Variants in CNTNAP2 observed in about 807,000 individuals in gnomAD.
CNTNAP2 encodes the protein contactin-associated protein-like 2.
In CNTNAP2, 98 loss-of-function variants were observed where a neutral mutation model predicts 155.2. The observed-to-expected ratio is 0.63, with a 90% CI of 0.54 to 0.75. CNTNAP2 has a LOEUF of 0.75. Ranked by LOEUF, CNTNAP2 falls within the 30% of genes least tolerant of loss-of-function variation. The pLI, the probability that CNTNAP2 is intolerant of heterozygous loss-of-function variation, is 0.00. For synonymous variants in CNTNAP2, 651 were observed against 631.2 expected (o/e 1.03, Z -0.47); for missense variants, 1,727 against 1,688.1 (o/e 1.02, Z -0.40).
rs544374633 is a variant in CNTNAP2 at position 146,941,637 on chromosome 7, C to G, written c.402+101733C>G. Among the ~76,000 whole-genome samples the G allele has an allele frequency of 2.6e-5, 4 of 152,250 alleles. No homozygotes were observed. In the South Asian group the frequency reaches 6.2e-4, roughly 24 times the overall value. The stretch of plus-strand genomic sequence containing the variant: ...TAATCTTAGTGTCCTGTTCTTTCAA[C>G]TCATAGAACCCTCTTTATCATTTCT... On this transcript the variant is annotated intron_variant, in intron 3 of 23. Coordinates refer to ENST00000361727, the MANE Select transcript of CNTNAP2 (RefSeq NM_014141.6).
intron 1 of CNTNAP2, among the ~76,000 whole-genome samples, chr7:146,410,489 T>C (rs1795850311): frequency 6.6e-6 from 1 of 152,164 alleles, no homozygotes; most frequent in South Asian, 2.1e-4. Flanking sequence ...ACTTTATCTA[T>C]AGATATCATT....
At chr7:146,926,257 G>A (rs1796607063) in intron 3 of CNTNAP2, among the ~76,000 whole-genome samples, 1 of 152,076 alleles carries the variant, frequency 6.6e-6, no homozygotes, top group Admixed American at 6.6e-5. Context: ...ACATTTGTGT[G>A]TGTGTGTGTG....
intron 13 of CNTNAP2, among the ~76,000 whole-genome samples, chr7:147,793,467 C>T (rs1048207521): frequency 2.9e-4 from 44 of 152,038 alleles, no homozygotes; most frequent in African/African-American, 1.0e-3. Flanking sequence ...AATTGTTTGG[C>T]ACTCTGGCTG....
intron 1 of CNTNAP2, among the ~76,000 whole-genome samples, chr7:146,251,126 G>T (rs2116943350): frequency 6.6e-6 from 1 of 152,080 alleles, no homozygotes; most frequent in South Asian, 2.1e-4. Context: ...AGATTACACA[G>T]AATAAAAACA....
intron 11 of CNTNAP2, among the ~76,000 whole-genome samples, chr7:147,552,552 A>G (rs1261425436): frequency 6.7e-6 from 1 of 149,328 alleles, no homozygotes; most frequent in African/African-American, 2.5e-5. Flanking sequence ...GAATTTCTTT[A>G]CTCCATTTTA....
rs560992777 is a variant in CNTNAP2, at chr7:147,894,816, T to G, written c.2099-8749T>G. Among the ~76,000 whole-genome samples, 3 of 152,176 alleles carry G rather than the reference T, an allele frequency of 2.0e-5. No individual in the cohort carries two copies. The South Asian group carries it at 6.2e-4, about 32-fold the overall frequency. Reference sequence around the variant, plus strand: ...TAGCCCAGAAGTTCCGAAGAACACATTTTGAAAATCACAGGTATGCACCTC... The same window carrying G: ...TAGCCCAGAAGTTCCGAAGAACACAGTTTGAAAATCACAGGTATGCACCTC... On this transcript the variant is annotated intron_variant, in intron 13 of 23. Transcript: ENST00000361727.
chr7:147,554,662 T>C (rs1799916958), intron 11 of CNTNAP2, among the ~76,000 whole-genome samples: 1 of 152,174 alleles, frequency 6.6e-6, no homozygotes, highest in Non-Finnish European at 1.5e-5. Flanking sequence ...ATTAGGGGGC[T>C]ATAATGAATA....
At chr7:146,315,963 T>C (rs1209013237) in intron 1 of CNTNAP2, among the ~76,000 whole-genome samples, 1 of 152,200 alleles carries the variant, frequency 6.6e-6, no homozygotes, top group South Asian at 2.1e-4. Context: ...AAAAAGTCTC[T>C]AAATTAAGAC....
chr7:148,049,745 A>T (rs1055632569), intron 15 of CNTNAP2, among the ~76,000 whole-genome samples: 2 of 152,242 alleles, frequency 1.3e-5, no homozygotes, highest in African/African-American at 4.8e-5. Context: ...TGTAGCTTAT[A>T]CAATTATGTA....
intron 15 of CNTNAP2, among the ~76,000 whole-genome samples, chr7:148,115,732 T>C (rs1449979436): frequency 6.6e-6 from 1 of 152,168 alleles, no homozygotes; most frequent in Non-Finnish European, 1.5e-5. Context: ...CGCCTTTCTG[T>C]TCCTGTTACC....
chr7:146,345,268 T>A (rs895721302), intron 1 of CNTNAP2, among the ~76,000 whole-genome samples: 9 of 152,224 alleles, frequency 5.9e-5, no homozygotes, highest in African/African-American at 2.2e-4. Context: ...TCATATGTTC[T>A]AATCACTTTG....
chr7:147,230,942 G>T (rs865818337), intron 8 of CNTNAP2, among the ~76,000 whole-genome samples: 16 of 152,220 alleles, frequency 1.1e-4, no homozygotes, highest in African/African-American at 3.9e-4. Context: ...AAAGGGAAGA[G>T]CTTTAATTGG....
At chr7:148,109,012 G>A (rs1804284653) in intron 15 of CNTNAP2, among the ~76,000 whole-genome samples, 4 of 152,118 alleles carry the variant, frequency 2.6e-5, no homozygotes, top group African/African-American at 7.2e-5. Context: ...GGTAAATCAG[G>A]CTCAGGGGAA....
chr7:146,855,820 T>C (rs1268157612), intron 3 of CNTNAP2, among the ~76,000 whole-genome samples: 1 of 41,856 alleles, frequency 2.4e-5, no homozygotes, highest in East Asian at 5.3e-4. Flanking sequence ...TATATATATA[T>C]ATATATATAT....
At chr7:147,338,401 C>T (rs1192891421) in intron 9 of CNTNAP2, among the ~76,000 whole-genome samples, 2 of 152,006 alleles carry the variant, frequency 1.3e-5, no homozygotes, top group Admixed American at 6.6e-5. Context: ...GTCTTAATCA[C>T]CTTTGAAGAG....
intron 1 of CNTNAP2, among the ~76,000 whole-genome samples, chr7:146,156,751 T>A (rs1329276398): frequency 1.3e-5 from 2 of 152,098 alleles, no homozygotes; most frequent in East Asian, 3.9e-4. Flanking sequence ...TACAGGCACC[T>A]GCCCCACACC....
At chr7:147,307,447 T>G (rs972811578) in intron 9 of CNTNAP2, among the ~76,000 whole-genome samples, 7 of 131,788 alleles carry the variant, frequency 5.3e-5, no homozygotes, top group Non-Finnish European at 9.1e-5. Context: ...CCAGGCATGG[T>G]GGCACACGTG....
At chr7:147,287,951 T>C (rs945369199) in intron 8 of CNTNAP2, among the ~76,000 whole-genome samples, 3 of 152,108 alleles carry the variant, frequency 2.0e-5, no homozygotes, top group African/African-American at 4.8e-5. Context: ...CTAATAGATG[T>C]CCTTACCTTC....
intron 15 of CNTNAP2, among the ~76,000 whole-genome samples, chr7:148,047,424 G>A (rs1802793545): frequency 6.6e-6 from 1 of 152,066 alleles, no homozygotes; most frequent in Admixed American, 6.6e-5. Flanking sequence ...TCTGAAAAAA[G>A]CTTATCTAAT....
Sources: gnomAD v4.1 joint callset for allele counts (sites outside exome capture counted in the v4.1 genomes callset) on GRCh38, gnomAD v4.1.1 for gene constraint, MANE v1.5 for transcripts, NCBI Gene and HGNC (gene_info 2026-07-23, HGNC 2026-07-21) for gene names.